The following PTCHD1 variants were observed in gnomAD, a reference collection of about 807,000 sequenced individuals.
PTCHD1 encodes patched domain-containing protein 1.
In PTCHD1, 3 loss-of-function variants were observed where a neutral mutation model predicts 34.6. That is an observed-to-expected ratio of 0.09 (90% CI 0.04 to 0.22). The LOEUF (loss-of-function observed/expected upper bound fraction) is 0.22, where lower values mean the gene tolerates loss of function less well. Ranked by LOEUF, PTCHD1 falls within the 10% of genes least tolerant of loss-of-function variation. The probability of loss-of-function intolerance (pLI) is 1.00; values close to 1 mark genes in which losing one functional copy is unlikely to be tolerated. For synonymous variants in PTCHD1, 305 were observed against 283.1 expected, an observed-to-expected ratio of 1.08 and a Z score of -0.77; for missense variants, 504 against 685.5, an observed-to-expected ratio of 0.74 and a Z score of 2.96.
intron 1 of PTCHD1, among the ~76,000 whole-genome samples, chrX:23,367,899 A>G: frequency 9.0e-6 from 1 of 111,557 alleles, no homozygotes; most frequent in Non-Finnish European, 1.9e-5. Flanking sequence ...ATCCAGAGAT[A>G]GGAAGGGTAT....
intron 1 of PTCHD1, among the ~76,000 whole-genome samples, chrX:23,336,971 TC>T (rs201619979): frequency 2.0e-4 from 22 of 109,511 alleles, no homozygotes; most frequent in South Asian, 4.0e-4. Context: ...CCATTGCCTT[TC>T]CCCCCCCACC....
chrX:23,387,403 G>T (rs752182688), intron 2 of PTCHD1, among the ~76,000 whole-genome samples: 2 of 110,567 alleles, frequency 1.8e-5, no homozygotes. Flanking sequence ...TTTTTTTTCC[G>T]CCATTAGTGT....
intron 2 of PTCHD1, among the ~76,000 whole-genome samples, chrX:23,382,670 T>G (rs975164884): frequency 8.8e-6 from 1 of 113,027 alleles, no homozygotes; most frequent in Non-Finnish European, 1.9e-5. Flanking sequence ...GCACCACAGG[T>G]GCCCAATAAG....
chrX:23,353,655 C>G (rs1163678711), intron 1 of PTCHD1, among the ~76,000 whole-genome samples: 1 of 111,762 alleles, frequency 8.9e-6, no homozygotes, highest in African/African-American at 3.2e-5. Flanking sequence ...AGATGAAGAG[C>G]AGCTGCTTTC....
chrX:23,376,755 G>A (rs931241713), intron 1 of PTCHD1, among the ~76,000 whole-genome samples: 1 of 111,659 alleles, frequency 9.0e-6, no homozygotes, highest in Non-Finnish European at 1.9e-5. Context: ...CTGCTAGGTG[G>A]GTGGCCTCAG....
At chrX:23,348,231 T>C (rs1182926772) in intron 1 of PTCHD1, among the ~76,000 whole-genome samples, 1 of 90,593 alleles carries the variant, frequency 1.1e-5, no homozygotes, top group Non-Finnish European at 2.2e-5. Flanking sequence ...TATAGGGCAA[T>C]ATAAACATCA....
At chrX:23,385,127 C>G (rs1396574166) in intron 2 of PTCHD1, among the ~76,000 whole-genome samples, 1 of 111,054 alleles carries the variant, frequency 9.0e-6, no homozygotes, top group Non-Finnish European at 1.9e-5. Context: ...CAAAGTTTGT[C>G]TCTCGAATAT....
At chrX:23,375,106 T>C (rs1260111316) in intron 1 of PTCHD1, among the ~76,000 whole-genome samples, 1 of 111,587 alleles carries the variant, frequency 9.0e-6, no homozygotes, top group Non-Finnish European at 1.9e-5. Context: ...CGTTAAACTC[T>C]AAACCCATCC....
At chrX:23,384,081 G>A (rs1337032628) in intron 2 of PTCHD1, among the ~76,000 whole-genome samples, 1 of 112,254 alleles carries the variant, frequency 8.9e-6, no homozygotes, top group Admixed American at 9.4e-5. Flanking sequence ...GAAAGGGATA[G>A]AATGTTAGAT....
chrX:23,382,740 C>T, intron 2 of PTCHD1, among the ~76,000 whole-genome samples: 1 of 112,727 alleles, frequency 8.9e-6, no homozygotes, highest in Non-Finnish European at 1.9e-5. Context: ...GTTTTCCCTG[C>T]TGACAATCAG....
rs545850172 is a variant in PTCHD1, at chrX:23,351,602, A to T, written c.351+16376A>T. 3.5e-5 allele frequency among the ~76,000 whole-genome samples: 4 copies of T among 112,681 alleles called. No individual in the cohort carries two copies. The South Asian group carries it at 1.5e-3, about 41-fold the overall frequency. On this transcript the variant is annotated intron_variant, in intron 1 of 2. Transcript: ENST00000379361. Reference sequence around the variant, plus strand: ...AGCTTAATTAAAATCTTTATTAAAAATTAAAAACATTGAAAATGGAAAAAA... The same window carrying T: ...AGCTTAATTAAAATCTTTATTAAAATTTAAAAACATTGAAAATGGAAAAAA...
intron 1 of PTCHD1, among the ~76,000 whole-genome samples, chrX:23,336,594 G>C (rs190069386): frequency 1.1e-3 from 127 of 112,235 alleles, no homozygotes; most frequent in Admixed American, 3.6e-3. Flanking sequence ...AGGGGAATCT[G>C]ACTAGGGGCT....
chrX:23,369,222 G>A (rs989251437), intron 1 of PTCHD1, among the ~76,000 whole-genome samples: 1 of 111,620 alleles, frequency 9.0e-6, no homozygotes, highest in Non-Finnish European at 1.9e-5. Context: ...GGTTTCTGTT[G>A]TAAATATCTG....
intron 1 of PTCHD1, among the ~76,000 whole-genome samples, chrX:23,340,785 T>C (rs996461091): frequency 2.7e-5 from 3 of 112,246 alleles, no homozygotes; most frequent in Non-Finnish European, 5.6e-5. Flanking sequence ...CTATGAAGCC[T>C]TGGGCAGTCC....
intron 1 of PTCHD1, among the ~76,000 whole-genome samples, chrX:23,353,012 G>T (rs980274189): frequency 8.9e-6 from 1 of 112,080 alleles, no homozygotes; most frequent in Non-Finnish European, 1.9e-5. Flanking sequence ...TCTAATGCAC[G>T]GTTAGAGTTA....
intron 2 of PTCHD1, among the ~76,000 whole-genome samples, chrX:23,383,084 A>G (rs911050685): frequency 8.9e-6 from 1 of 112,502 alleles, no homozygotes; most frequent in African/African-American, 3.2e-5. Context: ...TCAAATGACC[A>G]AGAAGAAATG....
intron 1 of PTCHD1, among the ~76,000 whole-genome samples, chrX:23,343,239 T>G (rs1442474498): frequency 8.9e-6 from 1 of 112,745 alleles, no homozygotes; most frequent in African/African-American, 3.2e-5. Flanking sequence ...GCAATAAGCA[T>G]CCATTCTGTT....
chrX:23,374,810 T>C (rs1922368496), intron 1 of PTCHD1, among the ~76,000 whole-genome samples: 1 of 111,762 alleles, frequency 8.9e-6, no homozygotes, highest in Non-Finnish European at 1.9e-5. Flanking sequence ...ATCACTCATC[T>C]TAGAATTATG....
intron 1 of PTCHD1, among the ~76,000 whole-genome samples, chrX:23,370,563 C>T (rs1428305706): frequency 9.0e-6 from 1 of 111,568 alleles, no homozygotes; most frequent in African/African-American, 3.3e-5. Context: ...AGGTACTCAT[C>T]CTTGGTAAGG....
Sources: allele counts gnomAD v4.1 joint callset (sites outside exome capture counted in the v4.1 genomes callset), GRCh38; gene constraint gnomAD v4.1.1; transcripts MANE v1.5; gene names NCBI Gene and HGNC (gene_info 2026-07-23, HGNC 2026-07-21).